NDST3: variants seen among roughly 807,000 people sequenced by gnomAD.
NDST3 encodes the protein bifunctional heparan sulfate N-deacetylase/N-sulfotransferase 3.
Under a neutral mutation model 96.1 loss-of-function variants are expected in NDST3, and 58 were observed. The observed-to-expected ratio is 0.60, with a 90% confidence interval of 0.49 to 0.75. NDST3 has a LOEUF of 0.75. NDST3 is among the 30% of genes least tolerant of loss of function. The probability of loss-of-function intolerance (pLI) is 0.00; values close to 1 mark genes in which losing one functional copy is unlikely to be tolerated. For missense variants in NDST3, 788 were observed against 1,034.2 expected, an observed-to-expected ratio of 0.76 and a Z score of 3.27; for synonymous variants, 333 against 359.7, an observed-to-expected ratio of 0.93 and a Z score of 0.84.
intron 4 of NDST3, among the ~76,000 whole-genome samples, chr4:118,135,930 GA>G (rs934005307): frequency 1.3e-5 from 2 of 151,708 alleles, no homozygotes; most frequent in African/African-American, 2.4e-5. Context: ...TTAAAGCTAG[GA>G]AAAAAAAGTA....
chr4:118,164,144 T>C (rs573827087), intron 6 of NDST3, among the ~76,000 whole-genome samples: 13 of 152,306 alleles, frequency 8.5e-5, no homozygotes, highest in African/African-American at 2.6e-4. Context: ...ATATACACCA[T>C]GGAATACAAT....
At chr4:118,230,443 C>T (rs1740197856) in intron 8 of NDST3, among the ~76,000 whole-genome samples, 1 of 151,976 alleles carries the variant, frequency 6.6e-6, no homozygotes, top group South Asian at 2.1e-4. Flanking sequence ...GGTGCGGTGG[C>T]GGGCGCCTGT....
intron 6 of NDST3, among the ~76,000 whole-genome samples, chr4:118,153,178 T>G (rs1299467358): frequency 1.3e-5 from 2 of 152,200 alleles, no homozygotes; most frequent in Non-Finnish European, 2.9e-5. Flanking sequence ...CTCAAAAGAT[T>G]CATTTTGAAG....
chr4:118,218,155 C>T (rs1279097696), intron 6 of NDST3, among the ~76,000 whole-genome samples: 5 of 151,992 alleles, frequency 3.3e-5, no homozygotes, highest in Admixed American at 6.6e-5. Flanking sequence ...CTATTCCAAA[C>T]AATTGAAAAG....
intron 6 of NDST3, among the ~76,000 whole-genome samples, chr4:118,223,695 T>C (rs2125994044): frequency 6.6e-6 from 1 of 152,238 alleles, no homozygotes; most frequent in East Asian, 1.9e-4. Flanking sequence ...TTTCAGCCTC[T>C]TAATGAATGA....
intron 2 of NDST3, among the ~76,000 whole-genome samples, chr4:118,092,479 C>A (rs911835787): frequency 1.3e-5 from 2 of 151,766 alleles, no homozygotes; most frequent in Non-Finnish European, 2.9e-5. Context: ...CTCAAGTCAG[C>A]TGGCCTTTTC....
At chr4:118,226,828 G>T in intron 7 of NDST3, 58 bp from the exon 8 acceptor site, 1 of 1,175,226 alleles carries the variant, frequency 8.5e-7, no homozygotes. Context: ...GGAAAAGCTG[G>T]CACACAATGG....
intron 6 of NDST3, among the ~76,000 whole-genome samples, chr4:118,202,192 T>C (rs1002758771): frequency 5.9e-5 from 9 of 152,180 alleles, no homozygotes; most frequent in African/African-American, 1.9e-4. Flanking sequence ...TGTAGCCTTA[T>C]AGTAGTAGTG....
At chr4:118,066,008 T>A (rs576979251) in intron 2 of NDST3, among the ~76,000 whole-genome samples, 5 of 141,016 alleles carry the variant, frequency 3.5e-5, no homozygotes, top group African/African-American at 1.3e-4. Context: ...TGAACAAAGA[T>A]CTATCCTCAA....
chr4:118,100,902 G>C (rs533477319), intron 2 of NDST3, among the ~76,000 whole-genome samples: 21 of 151,960 alleles, frequency 1.4e-4, no homozygotes, highest in Non-Finnish European at 2.9e-4. Flanking sequence ...TGTGTAGATA[G>C]ACACATAGGC....
intron 2 of NDST3, among the ~76,000 whole-genome samples, chr4:118,074,826 T>G (rs1727377195): frequency 6.6e-6 from 1 of 152,194 alleles, no homozygotes; most frequent in African/African-American, 2.4e-5. Flanking sequence ...GTAGTTGCTA[T>G]ATAGTATATT....
chr4:118,055,634 A>T (rs896858205), intron 2 of NDST3: 10 of 151,998 alleles, frequency 6.6e-5, no homozygotes, highest in Non-Finnish European at 1.2e-4. Context: ...CTATTAAAAA[A>T]TTTTAAAATT....
intron 2 of NDST3, among the ~76,000 whole-genome samples, chr4:118,103,576 T>C (rs1420839710): frequency 1.3e-5 from 2 of 152,096 alleles, no homozygotes; most frequent in African/African-American, 4.8e-5. Flanking sequence ...CACACCAGGG[T>C]CCAGCATCTG....
rs1578761976 is a variant in NDST3 at position 118,170,461 on chromosome 4, C to T, written c.1539+26777C>T. Among the ~76,000 whole-genome samples the T allele has an allele frequency of 4.6e-5, 7 of 152,286 alleles. 2 individuals are homozygous for T. Among genetic ancestry groups the T allele is most frequent in the Admixed American group, 4.6e-4 (7 of 15,286 alleles). On this transcript the variant is annotated intron_variant, in intron 6 of 13. Coordinates refer to ENST00000296499, the MANE Select transcript of NDST3 (RefSeq NM_004784.3). ...CCATGGCTCACGCCTGTAATCCCAG[C>T]ACTTTGGGAGGCAGACCCAGCACTT...
At chr4:118,046,590 C>T (rs1724774653) in intron 1 of NDST3, among the ~76,000 whole-genome samples, 2 of 152,156 alleles carry the variant, frequency 1.3e-5, no homozygotes, top group Non-Finnish European at 2.9e-5. Context: ...AGCCTGGGTG[C>T]CTTGCTCCAC....
intron 2 of NDST3, among the ~76,000 whole-genome samples, chr4:118,095,092 A>AG (rs1729185512): frequency 6.6e-6 from 1 of 151,902 alleles, no homozygotes; most frequent in Non-Finnish European, 1.5e-5. Flanking sequence ...TTTAAAAAAA[A>AG]GAAAAAAGAG....
chr4:118,185,399 G>A (rs947108515), intron 6 of NDST3, among the ~76,000 whole-genome samples: 1 of 151,084 alleles, frequency 6.6e-6, no homozygotes, highest in Non-Finnish European at 1.5e-5. Flanking sequence ...ATAAATGCTT[G>A]TAAATTAAAG....
intron 6 of NDST3, among the ~76,000 whole-genome samples, chr4:118,180,142 A>G (rs2125949420): frequency 6.6e-6 from 1 of 152,150 alleles, no homozygotes; most frequent in Non-Finnish European, 1.5e-5. Context: ...TATATGTACA[A>G]GTTTGTTAAC....
At chr4:118,149,820 C>T (rs959969653) in intron 6 of NDST3, among the ~76,000 whole-genome samples, 9 of 152,332 alleles carry the variant, frequency 5.9e-5, no homozygotes, top group African/African-American at 2.2e-4. Context: ...AAGAGGGCAT[C>T]CCTGTCTTGT....
Sources: allele counts gnomAD v4.1 joint callset (sites outside exome capture counted in the v4.1 genomes callset), GRCh38; gene constraint gnomAD v4.1.1; transcripts MANE v1.5; gene names NCBI Gene and HGNC (gene_info 2026-07-23, HGNC 2026-07-21).